The following LGALS3 variants were observed in gnomAD, a reference collection of about 807,000 sequenced individuals.
The protein encoded by LGALS3 is galectin 3, also known as galectin-3.
Under a neutral mutation model 20.7 loss-of-function variants are expected in LGALS3, and 18 were observed. The observed-to-expected ratio is 0.87, with a 90% CI of 0.60 to 1.29. The LOEUF is 1.29. Ranked by LOEUF, LGALS3 falls within the 50% of genes most tolerant of loss-of-function variation. The probability of loss-of-function intolerance (pLI) is 0.00; values close to 1 mark genes in which losing one functional copy is unlikely to be tolerated. For synonymous variants in LGALS3, 112 were observed against 119.6 expected (o/e 0.94, Z 0.42); for missense variants, 315 against 314.7 (o/e 1.00, Z -0.01).
rs139454969 is a variant in LGALS3 at position 55,139,297 on chromosome 14, A to G, written c.342+929A>G. Among the ~76,000 whole-genome samples, 743 of 152,326 alleles carry G rather than the reference A, an allele frequency of 4.9e-3. 6 individuals are homozygous for G. The highest frequency in any genetic ancestry group is 0.017 in the African/African-American group (702 of 41,550). On this transcript the variant is annotated intron_variant, in intron 3 of 5. Coordinates refer to ENST00000254301, the MANE Select transcript of LGALS3 (RefSeq NM_002306.4). ...GACTCTGACTTTTCAAGGCTGAGCA[A>G]CTAGAGCCATCAGCAAAGCTTTAGC... is the stretch of plus-strand genomic sequence containing the variant.
rs1881420881 is a variant in LGALS3, at chr14:55,137,112, G to A, written c.-4-258G>A. 35 of 571,012 alleles carry A rather than the reference G, an allele frequency of 6.1e-5. No individual in the cohort carries two copies. In the East Asian group the frequency reaches 1.0e-3, roughly 16 times the overall value. 35.4% of individuals were successfully genotyped at this position (571,012 alleles called of 1,614,324 possible). A position where few individuals can be genotyped will look rare whatever the true frequency, so the allele number is the denominator to read the frequency against. ...AGTAGGGGATGGGGCAGTTAGTGGGGACAGAGGGCAGATGGGTAAGATTCA... is the reference window on the plus strand; with the variant it reads ...AGTAGGGGATGGGGCAGTTAGTGGGAACAGAGGGCAGATGGGTAAGATTCA... On this transcript the variant is annotated intron_variant, in intron 1 of 5. Transcript: ENST00000254301.
intron 1 of LGALS3, among the ~76,000 whole-genome samples, chr14:55,135,573 T>G (rs555338812): frequency 0.025 from 3,580 of 143,734 alleles, 142 homozygotes; most frequent in African/African-American, 0.09. Flanking sequence ...TTTTTTTTTT[T>G]TTTTTTTTTT....
In LGALS3 at chr14:55,142,757, A is replaced by T; in HGVS notation, c.597+8A>T. On this transcript the variant is annotated splice_region_variant and intron_variant, in intron 5 of 5. Coordinates refer to ENST00000254301, the MANE Select transcript of LGALS3 (RefSeq NM_002306.4). The stretch of plus-strand genomic sequence containing the variant: ...AGTGGGAAACCATTCAAAGTAAGTT[A>T]TTGCTACTATTATATATTGATAATG... The T allele has an allele frequency of 6.3e-7, 1 of 1,596,728 alleles. No individual in the cohort carries two copies. The highest frequency in any genetic ancestry group is 1.7e-4 in the Middle Eastern group (1 of 6,020).
chr14:55,133,592 ATGTGAACATGCTTCATAAGC>A (rs749033859), intron 1 of LGALS3, among the ~76,000 whole-genome samples: 16 of 152,196 alleles, frequency 1.1e-4, no homozygotes, highest in Non-Finnish European at 2.1e-4. Context: ...TAGATAAGGT[ATGTGAACATGCTTCATAAGC>A]TGAAAAGCGC....
At chr14:55,134,851 C>G (rs948552611) in intron 1 of LGALS3, among the ~76,000 whole-genome samples, 2 of 152,092 alleles carry the variant, frequency 1.3e-5, no homozygotes, top group Non-Finnish European at 2.9e-5. Context: ...TTCAGAATGA[C>G]CATGTTCAAA....
At chr14:55,130,753 T>TG (rs752557592) in intron 1 of LGALS3, among the ~76,000 whole-genome samples, 1,845 of 60,748 alleles carry the variant, frequency 0.03, 40 homozygotes, top group East Asian at 0.041. Context: ...GTGGTGGTGG[T>TG]GGGGGGGGGG....
chr14:55,137,608 G>A (rs1881447859), intron 2 of LGALS3: 2 of 1,452,400 alleles, frequency 1.4e-6, no homozygotes, highest in Non-Finnish European at 9.0e-7. Context: ...CTCACTCACA[G>A]TAACCCTTTC....
At chr14:55,136,773 T>A (rs534717332) in intron 1 of LGALS3, among the ~76,000 whole-genome samples, 1 of 152,294 alleles carries the variant, frequency 6.6e-6, no homozygotes, top group East Asian at 1.9e-4. Flanking sequence ...TAACTATTTT[T>A]GTCACCCATT....
chr14:55,140,951 A>C (rs1326546511), intron 4 of LGALS3, among the ~76,000 whole-genome samples: 2 of 152,180 alleles, frequency 1.3e-5, no homozygotes, highest in African/African-American at 4.8e-5. Context: ...TGTAGTACTT[A>C]CATATCATAC....
At chr14:55,144,084 C>T (rs1483487222) in intron 5 of LGALS3, among the ~76,000 whole-genome samples, 3 of 151,898 alleles carry the variant, frequency 2.0e-5, no homozygotes, top group Non-Finnish European at 2.9e-5. Flanking sequence ...ATCCTTACAA[C>T]ATTTGCCAGA....
intron 1 of LGALS3, among the ~76,000 whole-genome samples, chr14:55,130,758 G>A (rs941058588): frequency 1.3e-5 from 2 of 150,044 alleles, no homozygotes; most frequent in African/African-American, 2.5e-5. Context: ...GGTGGTGGGG[G>A]GGGGGGGGTC....
chr14:55,132,018 C>T lies in LGALS3; in HGVS notation c.-5+2718C>T, dbSNP rs150521419. Among the ~76,000 whole-genome samples, 790 of 152,300 alleles carry T rather than the reference C, an allele frequency of 5.2e-3. 11 individuals carry two copies. The highest frequency in any genetic ancestry group is 0.018 in the African/African-American group (728 of 41,560). On this transcript the variant is annotated intron_variant, in intron 1 of 5. Transcript: ENST00000254301. ...CTCAGGAAGTAGTCTTCTTCTGTGACGGTTGCGCACAGGTCAGGGACCTTT... is the reference window on the plus strand; with the variant it reads ...CTCAGGAAGTAGTCTTCTTCTGTGATGGTTGCGCACAGGTCAGGGACCTTT...
chr14:55,131,338 C>A (rs1881227164), intron 1 of LGALS3, among the ~76,000 whole-genome samples: 1 of 152,208 alleles, frequency 6.6e-6, no homozygotes. Flanking sequence ...AGGTGCTTTA[C>A]AAAGACTTTT....
At chr14:55,131,698 T>A (rs1194682255) in intron 1 of LGALS3, among the ~76,000 whole-genome samples, 1 of 152,192 alleles carries the variant, frequency 6.6e-6, no homozygotes, top group African/African-American at 2.4e-5. Context: ...GCTGTATACT[T>A]CCAGTTCGCT....
At chr14:55,136,075 C>G (rs537011219) in intron 1 of LGALS3, among the ~76,000 whole-genome samples, 1 of 152,286 alleles carries the variant, frequency 6.6e-6, no homozygotes, top group African/African-American at 2.4e-5. Context: ...AGCTGCCCTC[C>G]TCCCCTCACT....
intron 1 of LGALS3, among the ~76,000 whole-genome samples, chr14:55,133,244 C>T (rs1881283739): frequency 6.6e-6 from 1 of 151,996 alleles, no homozygotes; most frequent in Non-Finnish European, 1.5e-5. Context: ...AAGACACGAG[C>T]CCTACTCCTT....
intron 4 of LGALS3, among the ~76,000 whole-genome samples, chr14:55,141,460 C>T (rs1174621875): frequency 6.6e-6 from 1 of 152,192 alleles, no homozygotes; most frequent in Non-Finnish European, 1.5e-5. Flanking sequence ...TCCCACAACC[C>T]CTAACGCACA....
In LGALS3 at chr14:55,138,242, A is replaced by G; in HGVS notation, c.216A>G (p.Gly72=). 3.7e-6 allele frequency: 6 copies of G among 1,612,630 alleles called. No homozygotes were observed. The highest frequency in any genetic ancestry group is 5.1e-6 in the Non-Finnish European group (6 of 1,179,460). Residue 72 remains glycine, a synonymous_variant, in exon 3 of 6, where the codon GGA becomes GGG. Transcript: ENST00000254301. ...CTGGAGCACCTGGAGCTTATCCCGGAGCACCTGCACCTGGAGTCTACCCAG... is the reference window on the plus strand; with the variant it reads ...CTGGAGCACCTGGAGCTTATCCCGGGGCACCTGCACCTGGAGTCTACCCAG... The part of the protein sequence containing the change: ...AYPGAPGAYP[G]APAPGVYPGP...
rs747968617 is a variant in LGALS3, at chr14:55,137,370, G to T, written c.-4G>T. 165 of 1,613,762 alleles carry T rather than the reference G, an allele frequency of 1.0e-4. No homozygotes were observed. The highest frequency in any genetic ancestry group is 1.3e-4 in the Non-Finnish European group (156 of 1,179,768). ...AAATGATAATCTTTGTTTCTTTCAG[G>T]AAAATGGCAGACAATTTTTCGGTAA... is the stretch of plus-strand genomic sequence containing the variant. On this transcript the variant is annotated splice_region_variant and 5_prime_UTR_variant, in exon 2 of 6. Transcript: ENST00000254301.
Sources: gnomAD v4.1 joint callset for allele counts (sites outside exome capture counted in the v4.1 genomes callset) on GRCh38, gnomAD v4.1.1 for gene constraint, MANE v1.5 for transcripts, NCBI Gene and HGNC (gene_info 2026-07-23, HGNC 2026-07-21) for gene names.